LCP2: variants seen among roughly 807,000 people sequenced by gnomAD.
The protein encoded by LCP2 is 76 kDa tyrosine phosphoprotein.
LCP2 carries 29 observed loss-of-function variants against 74.5 expected under a neutral mutation model. That is an observed-to-expected ratio of 0.39 (90% CI 0.29 to 0.53). The LOEUF is 0.53. Among genes scored for constraint, LCP2 ranks in the 20% least tolerant of loss-of-function variants. LCP2 has a pLI of 0.72. For synonymous variants in LCP2, 228 were observed against 229.5 expected, an observed-to-expected ratio of 0.99 and a Z score of 0.06; for missense variants, 604 against 634.6, an observed-to-expected ratio of 0.95 and a Z score of 0.52.
At chr5:170,258,323 G>T in intron 15 of LCP2, 157 bp from the exon 16 acceptor site, 1 of 691,438 alleles carries the variant, frequency 1.4e-6, no homozygotes, top group Non-Finnish European at 2.4e-6. Flanking sequence ...ATGGAACCTT[G>T]CTCCCAGGGT....
At chr5:170,259,612 A>G (rs1157853629) in intron 14 of LCP2, among the ~76,000 whole-genome samples, 1 of 152,236 alleles carries the variant, frequency 6.6e-6, no homozygotes, top group Non-Finnish European at 1.5e-5. Flanking sequence ...TAATGATGAA[A>G]CAGCATCTTT....
chr5:170,287,478 C>A (rs1762202198), intron 3 of LCP2, among the ~76,000 whole-genome samples: 1 of 152,212 alleles, frequency 6.6e-6, no homozygotes, highest in African/African-American at 2.4e-5. Context: ...TGATCAATCA[C>A]AGCTCCCTTT....
chr5:170,277,494 T>A (rs1000439422), intron 3 of LCP2, among the ~76,000 whole-genome samples: 2 of 152,154 alleles, frequency 1.3e-5, no homozygotes, highest in Admixed American at 1.3e-4. Context: ...ACGCCTATAA[T>A]CCTAGCACTT....
chr5:170,277,743 C>CAA (rs371915364), intron 3 of LCP2, among the ~76,000 whole-genome samples: 6,914 of 117,388 alleles, frequency 0.059, 510 homozygotes, highest in East Asian at 0.36. Flanking sequence ...AACTTCGTCT[C>CAA]AAAAAAAAAA....
chr5:170,290,333 T>G (rs1210476042), intron 2 of LCP2, among the ~76,000 whole-genome samples: 1 of 152,142 alleles, frequency 6.6e-6, no homozygotes, highest in Non-Finnish European at 1.5e-5. Context: ...CACTCTCCCT[T>G]TGTTTTCCTA....
chr5:170,262,861 G>A lies in LCP2; in HGVS notation c.799C>T (p.Pro267Ser). Residue 267 changes from proline (P) to serine (S), a missense_variant and splice_region_variant, in exon 12 of 21, where the codon CCC becomes TCC. Physicochemically the swap from Pro to Ser is moderately conservative, Grantham distance 74 (BLOSUM62 -1). Transcript: ENST00000046794. ...LGKKPPFSDK[P>S]SIPAGRSLGE... is the part of the protein sequence containing the mutation. ...TCTTACCTTCCCGCTGGAATCGAGGGCTGCAAGACAGGAGGAAAAATGTAT... is the reference window on the plus strand; with the variant it reads ...TCTTACCTTCCCGCTGGAATCGAGGACTGCAAGACAGGAGGAAAAATGTAT... 2 of 1,614,034 alleles carry A rather than the reference G, an allele frequency of 1.2e-6. No homozygotes were observed. Among genetic ancestry groups the A allele is most frequent in the African/African-American group, 1.3e-5 (1 of 75,056 alleles).
chr5:170,279,387 T>C (rs1762064502), intron 3 of LCP2, among the ~76,000 whole-genome samples: 2 of 152,334 alleles, frequency 1.3e-5, no homozygotes, highest in African/African-American at 2.4e-5. Context: ...ACAGTCTAAC[T>C]ACAATGTCTG....
chr5:170,250,916 G>A, intron 19 of LCP2, 31 bp from the exon 20 acceptor site: 3 of 1,594,650 alleles, frequency 1.9e-6, no homozygotes, highest in Non-Finnish European at 2.6e-6. Flanking sequence ...TATTATGGGA[G>A]CAGTAAAAGT....
chr5:170,279,914 G>C (rs1762071656), intron 3 of LCP2, among the ~76,000 whole-genome samples: 1 of 151,446 alleles, frequency 6.6e-6, no homozygotes, highest in Admixed American at 6.6e-5. Flanking sequence ...GACACAAGAG[G>C]AAAGAAACTA....
intron 18 of LCP2, among the ~76,000 whole-genome samples, chr5:170,252,752 A>G (rs1178678009): frequency 6.6e-6 from 1 of 152,246 alleles, no homozygotes. Context: ...AGTTCCTTAC[A>G]GTATGGAACC....
chr5:170,254,186 A>G (rs1390621081), intron 17 of LCP2, among the ~76,000 whole-genome samples: 1 of 152,218 alleles, frequency 6.6e-6, no homozygotes, highest in Non-Finnish European at 1.5e-5. Context: ...ATACAGGCTC[A>G]GAGGCTAAGC....
intron 1 of LCP2, 51 bp downstream of exon 1, chr5:170,297,483 G>T: frequency 6.6e-7 from 1 of 1,518,042 alleles, no homozygotes; most frequent in Non-Finnish European, 9.1e-7. Flanking sequence ...CCTCAGCTCA[G>T]CCCACCAAGG....
rs541875635 is a variant in LCP2 at position 170,256,015 on chromosome 5, G to C, written c.1150+511C>G. Among the ~76,000 whole-genome samples, 5 of 152,342 alleles carry C rather than the reference G, an allele frequency of 3.3e-5. No homozygotes were observed. In the South Asian group the frequency reaches 1.0e-3, roughly 32 times the overall value. On this transcript the variant is annotated intron_variant, in intron 17 of 20. Coordinates refer to ENST00000046794, the MANE Select transcript of LCP2 (RefSeq NM_005565.5). The surrounding 1 kb of genome is among the most constrained non-coding windows in gnomAD (Gnocchi z 4.5). ...GCTCCCCAACTCACAACCATGGACAGATTGATCATGGAAATCTAAAACTGC... is the reference window on the plus strand; with the variant it reads ...GCTCCCCAACTCACAACCATGGACACATTGATCATGGAAATCTAAAACTGC...
At chr5:170,277,760 A>AAAAAG (rs1561974473) in intron 3 of LCP2, among the ~76,000 whole-genome samples, 1 of 135,852 alleles carries the variant, frequency 7.4e-6, no homozygotes, top group Non-Finnish European at 1.6e-5. Context: ...AAAAAAAAAA[A>AAAAAG]AAAGAAAGAA....
rs776933527 is a variant in LCP2, at chr5:170,250,731, T to C, written c.1478A>G (p.Glu493Gly). Residue 493 changes from glutamate to glycine, a missense_variant and splice_region_variant, in exon 20 of 21, where the codon GAG becomes GGG. Physicochemically the swap from Glu to Gly is moderately conservative, Grantham distance 98. Coordinates refer to ENST00000046794, the MANE Select transcript of LCP2 (RefSeq NM_005565.5). ...YLLGTGLRGK[E>G]DFLSVSDIID... is the part of the protein sequence containing the mutation. ...AATGTCGAAATTTGAAATCCTTACC[T>C]CTTTCCCTCGGAGTCCAGTTCCCAA... 6.2e-7 allele frequency: 1 copy of C among 1,612,410 alleles called. No individual in the cohort carries two copies. Among genetic ancestry groups the C allele is most frequent in the South Asian group, 1.1e-5 (1 of 91,050 alleles).
chr5:170,258,847 A>T lies in LCP2; in HGVS notation c.970+19T>A, dbSNP rs1387734677. On this transcript the variant is annotated intron_variant, in intron 15 of 20. Transcript: ENST00000046794. ...GAAAGAATGAGTTATAGGCTGTAAG[A>T]ATGTGTTTCCGAACATACCATCATC... is the stretch of plus-strand genomic sequence containing the variant. 6.4e-7 allele frequency: 1 copy of T among 1,573,708 alleles called. No homozygotes were observed. The highest frequency in any genetic ancestry group is 8.7e-7 in the Non-Finnish European group (1 of 1,150,452).
In LCP2 at chr5:170,248,141, T is replaced by TA. The variant is rs530236822; in HGVS notation, c.*555dup. On this transcript the variant is annotated 3_prime_UTR_variant, in exon 21 of 21. Coordinates refer to ENST00000046794, the MANE Select transcript of LCP2 (RefSeq NM_005565.5). ...ATCTCAACATGCATTTGTCTTTTCA[T>TA]AAAAAAATTACGTAAAAATGCCCCC... 9.4e-3 allele frequency: 1,428 copies of TA among 152,510 alleles called. 12 individuals are homozygous for TA. The highest frequency in any genetic ancestry group is 0.016 in the Non-Finnish European group (1,080 of 68,020). The allele number at this position is 152,510 out of a possible 1,614,324, so 9.4% of individuals were successfully genotyped here. A position where few individuals can be genotyped will look rare whatever the true frequency, so the allele number is the denominator to read the frequency against.
chr5:170,274,112 G>T lies in LCP2; in HGVS notation c.324+189C>A, dbSNP rs1013460187. 6.6e-6 allele frequency: 4 copies of T among 603,440 alleles called. No individual in the cohort carries two copies. In the African/African-American group the frequency reaches 7.4e-5, roughly 11 times the overall value. 37.4% of individuals were successfully genotyped at this position (603,440 alleles called of 1,614,324 possible). A position where few individuals can be genotyped will look rare whatever the true frequency, so the allele number is the denominator to read the frequency against. On this transcript the variant is annotated intron_variant, in intron 6 of 20. Transcript: ENST00000046794. ...AGCAGAGTTGAGTAGCTGAGACAGA[G>T]AGTGCATGGCTCCCAAAGCCAAAAC...
intron 10 of LCP2, among the ~76,000 whole-genome samples, 156 bp from the exon 11 acceptor site, chr5:170,263,148 G>A (rs150053140): frequency 7.2e-5 from 11 of 152,290 alleles, no homozygotes; most frequent in African/African-American, 1.9e-4. Context: ...GGAAGGGTCC[G>A]TTAGAGACCA....
Sources: allele counts gnomAD v4.1 joint callset (sites outside exome capture counted in the v4.1 genomes callset), GRCh38; gene constraint gnomAD v4.1.1; non-coding constraint Gnocchi (gnomAD v3.1); transcripts MANE v1.5; gene names NCBI Gene and HGNC (gene_info 2026-07-23, HGNC 2026-07-21).